Variants in EPS8L1 observed in about 807,000 individuals in gnomAD.
The protein encoded by EPS8L1 is epidermal growth factor receptor kinase substrate 8-like protein 1.
Under a neutral mutation model 91.7 loss-of-function variants are expected in EPS8L1, and 101 were observed. The ratio of observed to expected loss-of-function variants is 1.10; its 90% confidence interval spans 0.94 to 1.30. EPS8L1 has a LOEUF of 1.30. Among genes scored for constraint, EPS8L1 ranks in the 50% most tolerant of loss-of-function variants. EPS8L1 has a pLI of 0.00. For missense variants in EPS8L1, 1,114 were observed against 1,017.0 expected, an observed-to-expected ratio of 1.10 and a Z score of -1.30; for synonymous variants, 506 against 445.3, an observed-to-expected ratio of 1.14 and a Z score of -1.72.
At chr19:55,076,586 G>A (rs997896364) in intron 2 of EPS8L1, 125 bp downstream of exon 2, 16 of 1,180,166 alleles carry the variant, frequency 1.4e-5, no homozygotes, top group South Asian at 7.5e-5. Flanking sequence ...CCCAAGCCCC[G>A]ACACTCAGGA....
chr19:55,086,797 C>G lies in EPS8L1; in HGVS notation c.1861C>G (p.Pro621Ala). The change falls in exon 18 of 20, where the codon CCA becomes GCA. Residue 621 changes from proline to alanine, a missense_variant. Pro to Ala is a conservative substitution (Grantham distance 27). Coordinates refer to ENST00000201647, the MANE Select transcript of EPS8L1 (RefSeq NM_133180.3). ...CCGCTCGGGACCGAGCCGCGCAGTC[C>G]CAGGGCCCCGCGCCCCGGAACCGCA... ...QGRSGPSRAV[P>A]GPRAPEPQLS... The G allele has an allele frequency of 6.2e-7, 1 of 1,601,256 alleles. No homozygotes were observed. The highest frequency in any genetic ancestry group is 1.3e-5 in the African/African-American group (1 of 74,518).
chr19:55,082,964 G>C (rs1437682888), intron 12 of EPS8L1, among the ~76,000 whole-genome samples: 2 of 152,176 alleles, frequency 1.3e-5, no homozygotes, highest in African/African-American at 4.8e-5. Flanking sequence ...TGCACTGCGG[G>C]CTGGCAGTTC....
At chr19:55,077,708 C>A (rs1188817408) in intron 2 of EPS8L1, among the ~76,000 whole-genome samples, 1 of 150,210 alleles carries the variant, frequency 6.7e-6, no homozygotes, top group African/African-American at 2.5e-5. Context: ...CCTGCCTCAG[C>A]CTCCCACGTA....
At chr19:55,077,752 C>A (rs1321300497) in intron 2 of EPS8L1, among the ~76,000 whole-genome samples, 2 of 151,208 alleles carry the variant, frequency 1.3e-5, no homozygotes. Flanking sequence ...CCACACCCAG[C>A]TAATTTTTGT....
In EPS8L1 at chr19:55,085,985, G is replaced by A. The variant is rs779594549; in HGVS notation, c.1518+12G>A. 93 of 1,608,852 alleles carry A rather than the reference G, an allele frequency of 5.8e-5. No individual in the cohort carries two copies. The South Asian group carries it at 8.6e-4, about 15-fold the overall frequency. On this transcript the variant is annotated intron_variant, in intron 15 of 19. Coordinates refer to ENST00000201647, the MANE Select transcript of EPS8L1 (RefSeq NM_133180.3). ...GGGACGTACTGGAGGTTAGAGGAGC[G>A]GGAGGCTGAGGGGCAGGAATTAGCC...
chr19:55,079,328 A>C (rs2076203551), intron 4 of EPS8L1, among the ~76,000 whole-genome samples: 1 of 152,154 alleles, frequency 6.6e-6, no homozygotes, highest in South Asian at 2.1e-4. Flanking sequence ...GCCCTGCATG[A>C]GGAAGGGGTA....
Position 55,081,041 on chromosome 19 carries a change from C to G in EPS8L1, c.512+187C>G. 1.1e-6 allele frequency: 1 copy of G among 917,668 alleles called. No homozygotes were observed. The highest frequency in any genetic ancestry group is 1.6e-6 in the Non-Finnish European group (1 of 626,492). The allele number at this position is 917,668 out of a possible 1,614,324, so 56.8% of individuals were successfully genotyped here. On this transcript the variant is annotated intron_variant, in intron 7 of 19. Transcript: ENST00000201647. The surrounding 1 kb of genome is among the most constrained non-coding windows in gnomAD (Gnocchi z 4.9). ...AGAACTCTGCTTCTTTTCTCTGTTCCCTGTCCAGGCCCTCAGTTTCACTCT... is the reference window on the plus strand; with the variant it reads ...AGAACTCTGCTTCTTTTCTCTGTTCGCTGTCCAGGCCCTCAGTTTCACTCT...
chr19:55,083,795 G>T lies in EPS8L1; in HGVS notation c.1385+151G>T. 2.0e-6 allele frequency: 2 copies of T among 1,019,230 alleles called. No homozygotes were observed. The allele number at this position is 1,019,230 out of a possible 1,614,324, so 63.1% of individuals were successfully genotyped here. A position where few individuals can be genotyped will look rare whatever the true frequency, so the allele number is the denominator to read the frequency against. ...GGTGAGATGGTGATGGGGCGGGCCG[G>T]GGCTGGGAGAGAGGGAGGAGCAGGG... On this transcript the variant is annotated intron_variant, in intron 14 of 19. Coordinates refer to ENST00000201647, the MANE Select transcript of EPS8L1 (RefSeq NM_133180.3). This position sits in a 1 kb window ranked among gnomAD's most constrained non-coding sequence, Gnocchi z 4.7.
intron 3 of EPS8L1, 82 bp from the exon 4 acceptor site, chr19:55,078,917 G>C: frequency 7.0e-7 from 1 of 1,435,178 alleles, no homozygotes; most frequent in Non-Finnish European, 9.7e-7. Flanking sequence ...AGGGAGGAGG[G>C]GCTGGGGGCC....
In EPS8L1 at chr19:55,082,465, G is replaced by A; in HGVS notation, c.1077G>A (p.Thr359=). 4 of 1,612,462 alleles carry A rather than the reference G, an allele frequency of 2.5e-6. No homozygotes were observed. Among genetic ancestry groups the A allele is most frequent in the Non-Finnish European group, 3.4e-6 (4 of 1,179,604 alleles). Residue 359 remains threonine (T), a synonymous_variant, in exon 12 of 20, where the codon ACG becomes ACA. Transcript: ENST00000201647. The part of the protein sequence containing the change: ...LFGPLQMIVN[T]SGGPEFASSV... The stretch of plus-strand genomic sequence containing the variant: ...TGCTCCCCTGACAGATTGTGAACAC[G>A]TCGGGGGGGCCGGAGTTCGCGAGCA...
At position 55,087,832 on chromosome 19, in the gene EPS8L1, C is replaced by T. The variant is rs1002607084; in HGVS notation, c.*218C>T. 19 of 560,944 alleles carry T rather than the reference C, an allele frequency of 3.4e-5. No individual in the cohort carries two copies. Among genetic ancestry groups the T allele is most frequent in the African/African-American group, 2.5e-4 (13 of 52,504 alleles). The allele number at this position is 560,944 out of a possible 1,614,324, so 34.7% of individuals were successfully genotyped here. A position where few individuals can be genotyped will look rare whatever the true frequency, so the allele number is the denominator to read the frequency against. ...GTGGGGAGGGCGTGGAGACAGTCTA[C>T]GGAAAGCGCTAGCAGACCCCCGAGA... is the stretch of plus-strand genomic sequence containing the variant. On this transcript the variant is annotated 3_prime_UTR_variant, in exon 20 of 20. Transcript: ENST00000201647.
rs796544455 is a variant in EPS8L1, at chr19:55,083,480, A to T, written c.1317A>T (p.Pro439=). ...CGCAGAGCCGCGCCTGGGAGGACCCAGTTGAGAAACAGCTACAGCACGAGC... is the reference window on the plus strand; with the variant it reads ...CGCAGAGCCGCGCCTGGGAGGACCCTGTTGAGAAACAGCTACAGCACGAGC... ...TDPQSRAWED[P]VEKQLQHERR... Residue 439 remains proline (P), a synonymous_variant, in exon 13 of 20, where the codon CCA becomes CCT. Coordinates refer to ENST00000201647, the MANE Select transcript of EPS8L1 (RefSeq NM_133180.3). The surrounding 1 kb of genome is among the most constrained non-coding windows in gnomAD (Gnocchi z 4.7). 3 of 1,612,442 alleles carry T rather than the reference A, an allele frequency of 1.9e-6. No homozygotes were observed. The African/African-American group carries it at 4.0e-5, about 21-fold the overall frequency.
intron 6 of EPS8L1, 22 bp downstream of exon 6, chr19:55,080,300 G>A: frequency 2.6e-6 from 4 of 1,536,852 alleles, no homozygotes; most frequent in Non-Finnish European, 3.5e-6. Context: ...GGCTGGCTCT[G>A]GGGGTGGAGC....
At chr19:55,080,506 T>C in intron 6 of EPS8L1, 2 of 1,613,520 alleles carry the variant, frequency 1.2e-6, no homozygotes, top group Non-Finnish European at 1.7e-6. Context: ...GAACAGAACA[T>C]GGCCAAGAAG....
chr19:55,087,527 G>C lies in EPS8L1; in HGVS notation c.2086-1G>C. The C allele has an allele frequency of 6.2e-7, 1 of 1,614,186 alleles. No individual in the cohort carries two copies. The highest frequency in any genetic ancestry group is 8.5e-7 in the Non-Finnish European group (1 of 1,180,026). On this transcript the variant is annotated splice_acceptor_variant, in intron 19 of 19. Transcript: ENST00000201647. LOFTEE classifies it high-confidence loss of function. ...AAAGCGATTTCCACCCCGCCCTCCA[G>C]GACAAAGAGAAAGTGTCAGAGCTGG...
Position 55,086,767 on chromosome 19 carries a change from C to T in EPS8L1, c.1831C>T (p.Gln611Ter), listed in dbSNP as rs1474896955. Residue 611 changes from glutamine to a stop codon, truncating the protein, a stop_gained, in exon 18 of 20, where the codon CAG (glutamine) becomes TAG (stop). Coordinates refer to ENST00000201647, the MANE Select transcript of EPS8L1 (RefSeq NM_133180.3). LOFTEE classifies it high-confidence loss of function. ...VNEELQARLAQGRSGPSRAVP... is the reference protein window; with the variant it reads ...VNEELQARLA The stretch of plus-strand genomic sequence containing the variant: ...CGAGGAACTGCAGGCGCGCCTGGCC[C>T]AGGGCCGCTCGGGACCGAGCCGCGC... 6.2e-7 allele frequency: 1 copy of T among 1,610,508 alleles called. No homozygotes were observed. Among genetic ancestry groups the T allele is most frequent in the Non-Finnish European group, 8.5e-7 (1 of 1,179,118 alleles).
In EPS8L1 at chr19:55,087,545, A is replaced by C; in HGVS notation, c.2103A>C (p.Ser701=). ...RSLLEDKEKV[S]ELEAVMEKQK... ...CCCTCCAGGACAAAGAGAAAGTGTC[A>C]GAGCTGGAGGCAGTGATGGAGAAGC... Residue 701 remains serine, a synonymous_variant, in exon 20 of 20, where the codon TCA becomes TCC. Coordinates refer to ENST00000201647, the MANE Select transcript of EPS8L1 (RefSeq NM_133180.3). 6.2e-7 allele frequency: 1 copy of C among 1,614,170 alleles called. No individual in the cohort carries two copies. The highest frequency in any genetic ancestry group is 8.5e-7 in the Non-Finnish European group (1 of 1,179,988).
rs374326883 is a variant in EPS8L1 at position 55,082,440 on chromosome 19, T to G, written c.1066-14T>G. On this transcript the variant is annotated splice_polypyrimidine_tract_variant and intron_variant, in intron 11 of 19. Coordinates refer to ENST00000201647, the MANE Select transcript of EPS8L1 (RefSeq NM_133180.3). ...GTGTGGCGGCACAGCCTGCCCCTCC[T>G]GCTCCCCTGACAGATTGTGAACACG... 4 of 1,611,326 alleles carry G rather than the reference T, an allele frequency of 2.5e-6. No individual in the cohort carries two copies. In the Admixed American group the frequency reaches 6.7e-5, roughly 27 times the overall value.
chr19:55,076,055 AGGGCC>A (rs2076117930), intron 1 of EPS8L1, 136 bp downstream of exon 1: 1 of 202,272 alleles, frequency 4.9e-6, no homozygotes, highest in Admixed American at 6.4e-5. Flanking sequence ...CTGAGGGAGG[AGGGCC>A]TGGGGTCCTG....
Sources: gnomAD v4.1 joint callset for allele counts (sites outside exome capture counted in the v4.1 genomes callset) on GRCh38, gnomAD v4.1.1 for gene constraint, Gnocchi (gnomAD v3.1) non-coding constraint, MANE v1.5 for transcripts, NCBI Gene and HGNC (gene_info 2026-07-23, HGNC 2026-07-21) for gene names.